The following UBE2W variants were observed in gnomAD, a reference collection of about 807,000 sequenced individuals.
UBE2W encodes the protein ubiquitin conjugating enzyme E2 W.
Under a neutral mutation model 27.2 loss-of-function variants are expected in UBE2W, and 18 were observed. That is an observed-to-expected ratio of 0.66 (90% confidence interval 0.46 to 0.98). The LOEUF is 0.98. UBE2W is among the 50% of genes least tolerant of loss of function. The pLI is 0.00. For synonymous variants in UBE2W, 53 were observed against 57.2 expected, an observed-to-expected ratio of 0.93 and a Z score of 0.33; for missense variants, 90 against 180.2, an observed-to-expected ratio of 0.50 and a Z score of 2.87.
chr8:73,832,936 T>A (rs1291395660), intron 1 of UBE2W, among the ~76,000 whole-genome samples: 1 of 152,144 alleles, frequency 6.6e-6, no homozygotes, highest in African/African-American at 2.4e-5. Flanking sequence ...ACGCCTGTAA[T>A]CCCAGCACTT....
rs144314991 is a variant in UBE2W, at chr8:73,791,144, G to A, written c.*2958C>T. ...ATGATAAATTATATATTACAAGTAA[G>A]TCCTTCAGAAGTGAATATTAATTCC... On this transcript the variant is annotated 3_prime_UTR_variant, in exon 6 of 6. Transcript: ENST00000602593. 1.2e-3 allele frequency: 1,140 copies of A among 983,434 alleles called. 5 individuals carry two copies. The highest frequency in any genetic ancestry group is 0.01 in the African/African-American group (594 of 57,128). 60.9% of individuals were successfully genotyped at this position (983,434 alleles called of 1,614,324 possible).
chr8:73,835,740 C>G (rs1810284515), intron 1 of UBE2W, among the ~76,000 whole-genome samples: 1 of 152,100 alleles, frequency 6.6e-6, no homozygotes. Context: ...GAGACTTTGC[C>G]TCAAAAAACA....
intron 1 of UBE2W, among the ~76,000 whole-genome samples, chr8:73,858,981 T>TGTGTGC (rs1554585453): frequency 2.5e-4 from 2 of 7,996 alleles, no homozygotes; most frequent in East Asian, 9.3e-3. Context: ...GGTTTTTGCG[T>TGTGTGC]GTGTGTGTGT....
At chr8:73,839,255 A>C in intron 1 of UBE2W, among the ~76,000 whole-genome samples, 1 of 151,794 alleles carries the variant, frequency 6.6e-6, no homozygotes, top group Non-Finnish European at 1.5e-5. Flanking sequence ...TCAGTAGGGA[A>C]CATTACTGTT....
At chr8:73,815,315 A>G (rs1355900459) in intron 3 of UBE2W, among the ~76,000 whole-genome samples, 1 of 152,162 alleles carries the variant, frequency 6.6e-6, no homozygotes, top group Non-Finnish European at 1.5e-5. Context: ...CTGAGGTTGC[A>G]GTTGAGCTAC....
At chr8:73,796,768 C>A in intron 5 of UBE2W, 7 of 501,572 alleles carry the variant, frequency 1.4e-5, no homozygotes, top group Non-Finnish European at 1.8e-5. Context: ...CATCCTTTTT[C>A]TAAATAGGAT....
At chr8:73,824,575 A>G (rs1809751609) in intron 3 of UBE2W, among the ~76,000 whole-genome samples, 1 of 152,126 alleles carries the variant, frequency 6.6e-6, no homozygotes, top group African/African-American at 2.4e-5. Flanking sequence ...TTTTTGACAC[A>G]AGGGACCGGT....
chr8:73,844,115 A>C (rs1031643835), intron 1 of UBE2W, among the ~76,000 whole-genome samples: 2 of 152,132 alleles, frequency 1.3e-5, no homozygotes, highest in Non-Finnish European at 2.9e-5. Flanking sequence ...AAACTTAAAC[A>C]TCACTGTGAA....
chr8:73,803,818 G>A (rs936719159), intron 5 of UBE2W, among the ~76,000 whole-genome samples: 46 of 150,154 alleles, frequency 3.1e-4, no homozygotes, highest in African/African-American at 1.1e-3. Flanking sequence ...CCAGGCTGGA[G>A]TGCAGTGGCG....
At chr8:73,797,617 G>C (rs1390073066) in intron 5 of UBE2W, among the ~76,000 whole-genome samples, 2 of 152,184 alleles carry the variant, frequency 1.3e-5, no homozygotes, top group Non-Finnish European at 2.9e-5. Context: ...AAAGGAGTTT[G>C]ATACTACTAG....
At position 73,792,219 on chromosome 8, in the gene UBE2W, T is replaced by C. The variant is rs1808233583; in HGVS notation, c.*1883A>G. On this transcript the variant is annotated 3_prime_UTR_variant, in exon 6 of 6. Transcript: ENST00000602593. ...GGTTAAACAGGCCAACTAATAAAACTGACAGAGATCATTGTGAGAATTTAT... is the reference window on the plus strand; with the variant it reads ...GGTTAAACAGGCCAACTAATAAAACCGACAGAGATCATTGTGAGAATTTAT... 2.1e-5 allele frequency: 21 copies of C among 985,690 alleles called. No homozygotes were observed. The highest frequency in any genetic ancestry group is 2.5e-5 in the Non-Finnish European group (21 of 829,824). 61.1% of individuals were successfully genotyped at this position (985,690 alleles called of 1,614,324 possible). A position where few individuals can be genotyped will look rare whatever the true frequency, so the allele number is the denominator to read the frequency against.
At chr8:73,799,688 CTGT>C (rs1458851900) in intron 5 of UBE2W, among the ~76,000 whole-genome samples, 1 of 152,182 alleles carries the variant, frequency 6.6e-6, no homozygotes, top group Non-Finnish European at 1.5e-5. Context: ...CACAGGAGGA[CTGT>C]GGAGCTTGAG....
At chr8:73,862,518 C>G (rs1184781121) in intron 1 of UBE2W, among the ~76,000 whole-genome samples, 1 of 151,366 alleles carries the variant, frequency 6.6e-6, no homozygotes, top group Non-Finnish European at 1.5e-5. Context: ...TAGGCATGGG[C>G]AAGGACTTCA....
At chr8:73,843,679 C>T (rs898240346) in intron 1 of UBE2W, among the ~76,000 whole-genome samples, 6 of 148,960 alleles carry the variant, frequency 4.0e-5, no homozygotes, top group African/African-American at 1.2e-4. Context: ...AAACTAAACA[C>T]AGGTGAAGAA....
chr8:73,843,450 C>G (rs758594891), intron 1 of UBE2W, among the ~76,000 whole-genome samples: 3 of 152,052 alleles, frequency 2.0e-5, no homozygotes, highest in South Asian at 4.2e-4. Context: ...CTGGGCCACA[C>G]AGCGAGACCA....
At chr8:73,805,807 T>C (rs1808879164) in intron 4 of UBE2W, 81 bp from the exon 5 acceptor site, 8 of 711,520 alleles carry the variant, frequency 1.1e-5, no homozygotes, top group Non-Finnish European at 1.6e-5. Context: ...TTAAGAAAAA[T>C]TAACAGAATG....
downstream of UBE2W, among the ~76,000 whole-genome samples, chr8:73,783,997 C>T (rs569112762): frequency 1.3e-5 from 2 of 152,122 alleles, no homozygotes; most frequent in South Asian, 2.1e-4. Context: ...GTGATCTGCC[C>T]GTCTCAGCCT....
rs946765218 is a variant in UBE2W, at chr8:73,789,838, AAAAT to A, written c.*4260_*4263del. 124 of 863,480 alleles carry A rather than the reference AAAAT, an allele frequency of 1.4e-4. No individual in the cohort carries two copies. Among genetic ancestry groups the A allele is most frequent in the Middle Eastern group, 5.9e-4 (1 of 1,694 alleles). The allele number at this position is 863,480 out of a possible 1,614,324, so 53.5% of individuals were successfully genotyped here. A position where few individuals can be genotyped will look rare whatever the true frequency, so the allele number is the denominator to read the frequency against. On this transcript the variant is annotated 3_prime_UTR_variant, in exon 6 of 6. Transcript: ENST00000602593. ...GGTGACAGAGCAAGACTCCGTCTCA[AAAAT>A]AAATAAATAAATAAATAATAAAAAT...
Position 73,786,500 on chromosome 8 carries a change from G to A in UBE2W, c.*7602C>T, listed in dbSNP as rs1807961148. 1.0e-6 allele frequency: 1 copy of A among 985,458 alleles called. No homozygotes were observed. Among genetic ancestry groups the A allele is most frequent in the Non-Finnish European group, 1.2e-6 (1 of 829,940 alleles). The allele number at this position is 985,458 out of a possible 1,614,324, so 61.0% of individuals were successfully genotyped here. Reference sequence around the variant, plus strand: ...ACACAATTGCAACACTGTCCCTACTGTTAAAAAGTTCAGGATAGATGACTG... The same window carrying A: ...ACACAATTGCAACACTGTCCCTACTATTAAAAAGTTCAGGATAGATGACTG... On this transcript the variant is annotated 3_prime_UTR_variant, in exon 6 of 6. Transcript: ENST00000602593.
Sources: gnomAD v4.1 joint callset for allele counts (sites outside exome capture counted in the v4.1 genomes callset) on GRCh38, gnomAD v4.1.1 for gene constraint, MANE v1.5 for transcripts, NCBI Gene and HGNC (gene_info 2026-07-23, HGNC 2026-07-21) for gene names.